Variants in CNOT6L observed in about 807,000 individuals in gnomAD.
CNOT6L encodes the protein CCR4-NOT transcription complex subunit 6-like.
A neutral mutation model predicts 64.0 loss-of-function variants in CNOT6L; 7 were observed. The ratio of observed to expected loss-of-function variants is 0.11; its 90% confidence interval spans 0.06 to 0.21. The LOEUF (loss-of-function observed/expected upper bound fraction) is 0.21. Ranked by LOEUF, CNOT6L falls within the 10% of genes least tolerant of loss-of-function variation. The probability of loss-of-function intolerance (pLI) is 1.00; values close to 1 mark genes in which losing one functional copy is unlikely to be tolerated. For synonymous variants in CNOT6L, 193 were observed against 243.4 expected (o/e 0.79, Z 1.93); for missense variants, 245 against 669.0 (o/e 0.37, Z 6.99).
At position 77,749,072 on chromosome 4, in the gene CNOT6L, G is replaced by GC. The variant is rs1380790110; in HGVS notation, c.491-689dup. Among the ~76,000 whole-genome samples, 26 of 152,146 alleles carry GC rather than the reference G, an allele frequency of 1.7e-4. No homozygotes were observed. In the East Asian group the frequency reaches 4.8e-3, roughly 28 times the overall value. ...CAACTTGATTCAAGTTTGCAGATTT[G>GC]CCCATGGCATTAATGGCTGAGAAAT... On this transcript the variant is annotated intron_variant, in intron 5 of 11. Transcript: ENST00000504123.
chr4:77,714,557 A>G lies in CNOT6L; in HGVS notation c.*5874T>C, dbSNP rs1241880969. 2 of 151,072 alleles carry G rather than the reference A, an allele frequency of 1.3e-5. No individual in the cohort carries two copies. Among genetic ancestry groups the G allele is most frequent in the African/African-American group, 4.9e-5 (2 of 40,884 alleles). The allele number at this position is 151,072 out of a possible 1,614,324, so 9.4% of individuals were successfully genotyped here. ...TTCTCAAAATATTCCAAGTAGTTCT[A>G]TTGAACTCTGTATCTCAGCTTCTCC... On this transcript the variant is annotated 3_prime_UTR_variant, in exon 12 of 12. Transcript: ENST00000504123.
At chr4:77,793,964 A>G (rs965069484) in intron 1 of CNOT6L, among the ~76,000 whole-genome samples, 1 of 151,776 alleles carries the variant, frequency 6.6e-6, no homozygotes, top group Non-Finnish European at 1.5e-5. Context: ...CAGCCTGGCC[A>G]ACATAGTAAA....
At chr4:77,750,452 C>T (rs564626956) in intron 5 of CNOT6L, among the ~76,000 whole-genome samples, 2 of 151,952 alleles carry the variant, frequency 1.3e-5, no homozygotes, top group Non-Finnish European at 2.9e-5. Context: ...CCCGGGTTCA[C>T]GCCATTCTCC....
intron 1 of CNOT6L, among the ~76,000 whole-genome samples, chr4:77,795,220 T>C (rs1730699867): frequency 6.6e-6 from 1 of 152,072 alleles, no homozygotes. Flanking sequence ...GGTTTCTCCA[T>C]GGTGGTCAGG....
chr4:77,793,987 C>T (rs1468562506), intron 1 of CNOT6L, among the ~76,000 whole-genome samples: 2 of 151,256 alleles, frequency 1.3e-5, no homozygotes, highest in Admixed American at 1.3e-4. Flanking sequence ...CCCACCTCTA[C>T]TAAAAATACA....
intron 1 of CNOT6L, chr4:77,818,945 C>G (rs1246193429): frequency 3.1e-6 from 2 of 642,386 alleles, no homozygotes; most frequent in South Asian, 3.1e-5. Flanking sequence ...TCAGCCCTCC[C>G]CGGCCGGCCC....
chr4:77,725,408 C>A (rs1020206263), intron 11 of CNOT6L, among the ~76,000 whole-genome samples: 1 of 152,068 alleles, frequency 6.6e-6, no homozygotes, highest in Non-Finnish European at 1.5e-5. Flanking sequence ...GCCTGAAATG[C>A]CAGAAAGTCA....
At position 77,783,131 on chromosome 4, in the gene CNOT6L, C is replaced by T. The variant is rs1479546091; in HGVS notation, c.6-6739G>A. Among the ~76,000 whole-genome samples, 6 of 143,838 alleles carry T rather than the reference C, an allele frequency of 4.2e-5. No homozygotes were observed. In the East Asian group the frequency reaches 1.2e-3, roughly 29 times the overall value. 94.4% of individuals were successfully genotyped at this position (143,838 alleles called of 152,430 possible). The stretch of plus-strand genomic sequence containing the variant: ...ACTTAATTCCAAGTGTTCATGACAT[C>T]TCCAGCTCTGTGACCACTCAAAAAA... On this transcript the variant is annotated intron_variant, in intron 1 of 11. Transcript: ENST00000504123.
At chr4:77,728,821 T>C (rs1477200606) in intron 10 of CNOT6L, 33 bp downstream of exon 10, 1 of 1,558,978 alleles carries the variant, frequency 6.4e-7, no homozygotes, top group South Asian at 1.1e-5. Context: ...AAAAGTGAAA[T>C]TGAAAGCAGT....
Position 77,819,196 on chromosome 4 carries a change from A to C in CNOT6L, c.5+108T>G, listed in dbSNP as rs536752989. ...CGCCTCCCCGCCCGCCAAAGTCCCA[A>C]CTCGCACACCCACACGCACATTTGT... On this transcript the variant is annotated intron_variant, in intron 1 of 11. Coordinates refer to ENST00000504123, the MANE Select transcript of CNOT6L (RefSeq NM_144571.3). 5 of 1,606,228 alleles carry C rather than the reference A, an allele frequency of 3.1e-6. No homozygotes were observed. In the African/African-American group the frequency reaches 5.4e-5, roughly 17 times the overall value.
chr4:77,724,294 G>C (rs925981219), intron 11 of CNOT6L, among the ~76,000 whole-genome samples: 7 of 150,594 alleles, frequency 4.6e-5, no homozygotes, highest in African/African-American at 1.7e-4. Flanking sequence ...AAGCTGCAGT[G>C]AGTCATGATT....
chr4:77,782,793 T>C (rs1454705135), intron 1 of CNOT6L, among the ~76,000 whole-genome samples: 1 of 152,136 alleles, frequency 6.6e-6, no homozygotes, highest in Non-Finnish European at 1.5e-5. Flanking sequence ...TATTTATTTT[T>C]AACTATACAC....
intron 1 of CNOT6L, 177 bp downstream of exon 1, chr4:77,819,127 C>T: frequency 7.9e-7 from 1 of 1,270,190 alleles, no homozygotes; most frequent in East Asian, 2.5e-5. Context: ...CCGCCGCCCC[C>T]TCCAGTCACC....
At chr4:77,765,060 C>T (rs1345571998) in intron 4 of CNOT6L, among the ~76,000 whole-genome samples, 3 of 152,072 alleles carry the variant, frequency 2.0e-5, no homozygotes, top group Non-Finnish European at 4.4e-5. Context: ...ATAAAGACTT[C>T]GCTGGTAAAA....
chr4:77,803,964 GTT>G (rs1323276801), intron 1 of CNOT6L, among the ~76,000 whole-genome samples: 5 of 151,778 alleles, frequency 3.3e-5, no homozygotes, highest in Non-Finnish European at 7.4e-5. Context: ...CTGTGGAAAA[GTT>G]TGTCAATTCC....
intron 1 of CNOT6L, among the ~76,000 whole-genome samples, chr4:77,798,870 T>A (rs1261571579): frequency 6.6e-6 from 1 of 150,434 alleles, no homozygotes; most frequent in African/African-American, 2.4e-5. Context: ...TGATCCCAGC[T>A]ACTAAGGCAG....
At chr4:77,730,337 AGATT>A (rs1394838942) in intron 9 of CNOT6L, among the ~76,000 whole-genome samples, 1 of 152,106 alleles carries the variant, frequency 6.6e-6, no homozygotes, top group Non-Finnish European at 1.5e-5. Context: ...TTTTAGCTAT[AGATT>A]AAGTATTCAC....
At chr4:77,800,911 CA>C (rs1460473570) in intron 1 of CNOT6L, among the ~76,000 whole-genome samples, 2 of 152,132 alleles carry the variant, frequency 1.3e-5, no homozygotes, top group Non-Finnish European at 2.9e-5. Context: ...CACACTGATC[CA>C]AAACAACTAG....
chr4:77,778,504 C>T (rs1471920003), intron 1 of CNOT6L, among the ~76,000 whole-genome samples: 1 of 151,892 alleles, frequency 6.6e-6, no homozygotes. Context: ...CTCCCAGGTT[C>T]AAGTGATTCT....
Sources: gnomAD v4.1 joint callset for allele counts (sites outside exome capture counted in the v4.1 genomes callset) on GRCh38, gnomAD v4.1.1 for gene constraint, MANE v1.5 for transcripts, NCBI Gene and HGNC (gene_info 2026-07-23, HGNC 2026-07-21) for gene names.